NVL: variants seen among roughly 807,000 people sequenced by gnomAD.
NVL encodes nuclear valosin-containing protein-like.
A neutral mutation model predicts 110.2 loss-of-function variants in NVL; 84 were observed. The ratio of observed to expected loss-of-function variants is 0.76; its 90% CI spans 0.64 to 0.91. NVL has a LOEUF of 0.91. NVL is among the 40% of genes least tolerant of loss of function. The pLI is 0.00. For missense variants in NVL, 882 were observed against 1,035.9 expected (o/e 0.85, Z 2.04); for synonymous variants, 354 against 361.1 (o/e 0.98, Z 0.22).
rs550440508 is a variant in NVL, at chr1:224,262,700, T to C, written c.2182+5334A>G. On this transcript the variant is annotated intron_variant, in intron 18 of 22. Transcript: ENST00000281701. ...GGAACTGGTACATCGTTTGAATAAA[T>C]AACATCGACAGCTGTATAAAATATG... is the stretch of plus-strand genomic sequence containing the variant. 4.6e-5 allele frequency among the ~76,000 whole-genome samples: 7 copies of C among 152,062 alleles called. No individual in the cohort carries two copies. The East Asian group carries it at 1.4e-3, about 29-fold the overall frequency.
chr1:224,279,231 T>TA (rs1274281142), intron 16 of NVL, among the ~76,000 whole-genome samples: 1 of 152,114 alleles, frequency 6.6e-6, no homozygotes, highest in Non-Finnish European at 1.5e-5. Flanking sequence ...GTTAATAAAC[T>TA]AAAAATACAT....
rs570907522 is a variant in NVL, at chr1:224,303,267, T to G, written c.960+456A>C. On this transcript the variant is annotated intron_variant, in intron 9 of 22. Transcript: ENST00000281701. ...CTGGGCAAGAGGGTGAAACCCCGTC[T>G]CTACTATAATACAAAAAATCAGCCG... Among the ~76,000 whole-genome samples, 3 of 151,890 alleles carry G rather than the reference T, an allele frequency of 2.0e-5. No individual in the cohort carries two copies. In the East Asian group the frequency reaches 5.8e-4, roughly 30 times the overall value.
intron 19 of NVL, among the ~76,000 whole-genome samples, chr1:224,243,880 T>A (rs1435318572): frequency 6.6e-6 from 1 of 151,694 alleles, no homozygotes; most frequent in Non-Finnish European, 1.5e-5. Context: ...CAAGTAGGTC[T>A]CGAACTCCTG....
At chr1:224,317,839 T>A (rs762625381) in intron 3 of NVL, 39 bp downstream of exon 3, 1 of 1,547,742 alleles carries the variant, frequency 6.5e-7, no homozygotes, top group Non-Finnish European at 8.8e-7. Flanking sequence ...ATCGTTTGTA[T>A]AACTTTATTG....
intron 2 of NVL, among the ~76,000 whole-genome samples, chr1:224,321,306 G>C (rs371262674): frequency 6.6e-6 from 1 of 152,106 alleles, no homozygotes; most frequent in East Asian, 1.9e-4. Flanking sequence ...ACGTAAAAGC[G>C]ATTCTTCACT....
intron 4 of NVL, among the ~76,000 whole-genome samples, chr1:224,313,974 G>A (rs1462570645): frequency 1.3e-5 from 2 of 152,212 alleles, no homozygotes. Context: ...CTGGACTCCA[G>A]CCTGGGTGAC....
chr1:224,320,721 G>A lies in NVL; in HGVS notation c.132-2791C>T, dbSNP rs1480852629. On this transcript the variant is annotated intron_variant, in intron 2 of 22. Transcript: ENST00000281701. ...GCTGAAGTGTAGTTGTGCAATCAGA[G>A]CTTGCCACAACCTCAACCTCCTGGT... 2.0e-5 allele frequency among the ~76,000 whole-genome samples: 3 copies of A among 151,980 alleles called. No homozygotes were observed. In the East Asian group the frequency reaches 5.8e-4, roughly 29 times the overall value.
chr1:224,327,421 T>C (rs1412273271), intron 1 of NVL, among the ~76,000 whole-genome samples: 1 of 152,126 alleles, frequency 6.6e-6, no homozygotes, highest in Non-Finnish European at 1.5e-5. Context: ...CCAGCCTGGG[T>C]GACAGAGCTA....
intron 12 of NVL, among the ~76,000 whole-genome samples, chr1:224,293,800 T>G (rs1667604307): frequency 6.6e-6 from 1 of 152,238 alleles, no homozygotes; most frequent in African/African-American, 2.4e-5. Context: ...ATCCTACTGA[T>G]GAGTAAATTG....
intron 2 of NVL, among the ~76,000 whole-genome samples, chr1:224,324,424 T>C (rs576288714): frequency 6.6e-6 from 1 of 152,224 alleles, no homozygotes; most frequent in Non-Finnish European, 1.5e-5. Context: ...TTAGATAACA[T>C]TATTTTTATT....
At chr1:224,283,181 G>A (rs1666537763) in intron 15 of NVL, among the ~76,000 whole-genome samples, 1 of 152,146 alleles carries the variant, frequency 6.6e-6, no homozygotes, top group Non-Finnish European at 1.5e-5. Context: ...TGCTCCCAAA[G>A]GTCAGATGTA....
chr1:224,250,644 A>G (rs1265589469), intron 18 of NVL, among the ~76,000 whole-genome samples: 1 of 151,758 alleles, frequency 6.6e-6, no homozygotes, highest in Non-Finnish European at 1.5e-5. Flanking sequence ...GATTTCTGAG[A>G]TTTTGGTGCA....
rs368763094 is a variant in NVL, at chr1:224,317,734, G to A, written c.244C>T (p.His82Tyr). ...LKNLTELEDEHLAKRARQGEE... is the reference protein window; with the variant it reads ...LKNLTELEDEYLAKRARQGEE... Reference sequence around the variant, plus strand: ...CCTTGTCTTGCCCTTTTTGCCAAATGTTCATCTTCTAATTCTGTTAAATTC... The same window carrying A: ...CCTTGTCTTGCCCTTTTTGCCAAATATTCATCTTCTAATTCTGTTAAATTC... The change falls in exon 4 of 23, where the codon CAT becomes TAT. Residue 82 changes from histidine (H) to tyrosine (Y), a missense_variant. By Grantham distance (83) the His-to-Tyr change is moderately conservative (BLOSUM62 2). Transcript: ENST00000281701. The A allele has an allele frequency of 5.6e-6, 9 of 1,608,808 alleles. No individual in the cohort carries two copies. In the African/African-American group the frequency reaches 1.2e-4, roughly 22 times the overall value.
At chr1:224,250,361 A>G in intron 18 of NVL, 43 bp from the exon 19 acceptor site, 1 of 1,474,832 alleles carries the variant, frequency 6.8e-7, no homozygotes, top group Non-Finnish European at 9.0e-7. Flanking sequence ...AAAACCTTTT[A>G]TTTTTATTTT....
chr1:224,258,166 T>C (rs1457173101), intron 18 of NVL, among the ~76,000 whole-genome samples: 2 of 152,156 alleles, frequency 1.3e-5, no homozygotes, highest in African/African-American at 2.4e-5. Context: ...TGATTTTAGA[T>C]TTGTATCTAG....
chr1:224,243,483 T>C (rs1236934713), intron 19 of NVL, among the ~76,000 whole-genome samples: 1 of 151,762 alleles, frequency 6.6e-6, no homozygotes, highest in Non-Finnish European at 1.5e-5. Flanking sequence ...AACAAAAAAG[T>C]TTGTAAAAAG....
chr1:224,295,612 G>A (rs1431246773), intron 11 of NVL, among the ~76,000 whole-genome samples: 1 of 151,700 alleles, frequency 6.6e-6, no homozygotes, highest in African/African-American at 2.4e-5. Context: ...CCAGCACTTC[G>A]GGAGGCTGAA....
chr1:224,289,797 C>A (rs1667206333), intron 12 of NVL, 64 bp from the exon 13 acceptor site: 1 of 1,503,898 alleles, frequency 6.6e-7, no homozygotes, highest in Non-Finnish European at 9.0e-7. Context: ...AAGTCACCAA[C>A]TATATTTATT....
chr1:224,253,309 C>T (rs1002479612), intron 18 of NVL, among the ~76,000 whole-genome samples: 2 of 151,900 alleles, frequency 1.3e-5, no homozygotes, highest in South Asian at 2.1e-4. Flanking sequence ...CTTAGCCTCC[C>T]GAAGTGCTGG....
Sources: gnomAD v4.1 joint callset for allele counts (sites outside exome capture counted in the v4.1 genomes callset) on GRCh38, gnomAD v4.1.1 for gene constraint, MANE v1.5 for transcripts, NCBI Gene and HGNC (gene_info 2026-07-23, HGNC 2026-07-21) for gene names.